Variants in NRG1 observed in about 807,000 individuals in gnomAD.
NRG1 encodes the protein neuregulin 1.
A neutral mutation model predicts 63.8 loss-of-function variants in NRG1; 18 were observed. The observed-to-expected ratio is 0.28, with a 90% CI of 0.19 to 0.42. NRG1 has a LOEUF of 0.42. Ranked by LOEUF, NRG1 falls within the 10% of genes least tolerant of loss-of-function variation. The pLI is 1.00. For missense variants in NRG1, 762 were observed against 814.7 expected, an observed-to-expected ratio of 0.94 and a Z score of 0.79; for synonymous variants, 302 against 301.3, an observed-to-expected ratio of 1.00 and a Z score of -0.02.
chr8:32,510,122 A>ATC (rs1554566690), intron 1 of NRG1, among the ~76,000 whole-genome samples: 3,670 of 116,816 alleles, frequency 0.031, 49 homozygotes, highest in Middle Eastern at 0.053. Context: ...TAATAATAAT[A>ATC]ATAATCATAA....
chr8:31,809,404 G>GTA (rs35009490), intron 1 of NRG1, among the ~76,000 whole-genome samples: 8,042 of 140,066 alleles, frequency 0.057, 295 homozygotes, highest in Admixed American at 0.11. Flanking sequence ...GTGTGTGTGT[G>GTA]TATATATATA....
chr8:31,875,517 A>C (rs1829844961), intron 1 of NRG1, among the ~76,000 whole-genome samples: 1 of 152,144 alleles, frequency 6.6e-6, no homozygotes, highest in African/African-American at 2.4e-5. Flanking sequence ...TTGAGACCTA[A>C]ACATGGCAAA....
chr8:32,198,226 G>A (rs1365045100), intron 1 of NRG1, among the ~76,000 whole-genome samples: 1 of 152,144 alleles, frequency 6.6e-6, no homozygotes, highest in Non-Finnish European at 1.5e-5. Flanking sequence ...CCCACAGACT[G>A]GAGTACAATG....
chr8:31,802,690 T>C (rs1246628038), intron 1 of NRG1, among the ~76,000 whole-genome samples: 1 of 152,168 alleles, frequency 6.6e-6, no homozygotes, highest in African/African-American at 2.4e-5. Flanking sequence ...TGCATGCTTT[T>C]GGACCCTAAG....
At chr8:31,788,284 T>A (rs1166707188) in intron 1 of NRG1, among the ~76,000 whole-genome samples, 2 of 152,192 alleles carry the variant, frequency 1.3e-5, no homozygotes. Flanking sequence ...CTCCTTTACA[T>A]ACATTCACAT....
chr8:31,864,623 G>A (rs1164557601), intron 1 of NRG1, among the ~76,000 whole-genome samples: 3 of 152,090 alleles, frequency 2.0e-5, no homozygotes, highest in Non-Finnish European at 4.4e-5. Context: ...GAAGAAAGAG[G>A]CAGTACAAAA....
intron 5 of NRG1, among the ~76,000 whole-genome samples, chr8:32,685,641 AAAT>A (rs1211620356): frequency 1.3e-5 from 2 of 152,226 alleles, no homozygotes; most frequent in African/African-American, 2.4e-5. Flanking sequence ...TTCAACTTTA[AAAT>A]AATAATAAGA....
chr8:31,712,369 A>G (rs566252259), intron 1 of NRG1, among the ~76,000 whole-genome samples: 2 of 147,798 alleles, frequency 1.4e-5, no homozygotes, highest in Admixed American at 1.4e-4. Flanking sequence ...CCCAGGTTCA[A>G]GCGATTCTCC....
intron 1 of NRG1, among the ~76,000 whole-genome samples, chr8:32,024,874 ACTGT>A (rs1332136872): frequency 3.9e-5 from 6 of 152,348 alleles, no homozygotes; most frequent in African/African-American, 1.4e-4. Context: ...CAGTTTATAT[ACTGT>A]CTTTTAACCT....
chr8:31,966,895 G>A (rs1391069414), intron 1 of NRG1, among the ~76,000 whole-genome samples: 1 of 151,912 alleles, frequency 6.6e-6, no homozygotes, highest in African/African-American at 2.4e-5. Flanking sequence ...AGTCAACTTC[G>A]GTTCTGCCCT....
intron 1 of NRG1, among the ~76,000 whole-genome samples, chr8:31,805,038 A>C (rs1822138125): frequency 6.6e-6 from 1 of 152,236 alleles, no homozygotes; most frequent in Non-Finnish European, 1.5e-5. Flanking sequence ...CTTAAATATA[A>C]AATTAACCAA....
At chr8:32,743,756 T>A (rs900841839) in intron 7 of NRG1, among the ~76,000 whole-genome samples, 8 of 149,736 alleles carry the variant, frequency 5.3e-5, no homozygotes, top group Admixed American at 6.8e-5. Context: ...ATATAACTTC[T>A]GATCCTGGAG....
At chr8:32,154,371 GCCTT>G (rs1254838281) in intron 1 of NRG1, among the ~76,000 whole-genome samples, 5 of 150,580 alleles carry the variant, frequency 3.3e-5, no homozygotes. Context: ...TCCACTTCCT[GCCTT>G]CCTTTCTCCC....
intron 1 of NRG1, among the ~76,000 whole-genome samples, chr8:31,919,442 G>C (rs1833711509): frequency 6.7e-6 from 1 of 149,872 alleles, no homozygotes; most frequent in African/African-American, 2.5e-5. Flanking sequence ...AAATCCAAAA[G>C]ACAACTACCT....
At chr8:32,265,334 A>G (rs1377756058) in intron 1 of NRG1, among the ~76,000 whole-genome samples, 1 of 151,730 alleles carries the variant, frequency 6.6e-6, no homozygotes, top group Non-Finnish European at 1.5e-5. Flanking sequence ...GACCCTATCT[A>G]AAAAAGAATT....
chr8:31,879,935 A>C (rs940998934), intron 1 of NRG1, among the ~76,000 whole-genome samples: 2 of 152,212 alleles, frequency 1.3e-5, no homozygotes, highest in Non-Finnish European at 2.9e-5. Flanking sequence ...TATATGTACC[A>C]CATGTTCTTT....
intron 1 of NRG1, among the ~76,000 whole-genome samples, chr8:32,575,510 G>A (rs1839461445): frequency 6.6e-6 from 1 of 151,920 alleles, no homozygotes; most frequent in African/African-American, 2.4e-5. Flanking sequence ...TAAAGGAAAA[G>A]TTGTATTTTA....
chr8:32,561,305 T>C (rs1037667311), intron 1 of NRG1, among the ~76,000 whole-genome samples: 3 of 152,238 alleles, frequency 2.0e-5, no homozygotes, highest in Non-Finnish European at 4.4e-5. Context: ...AGAGTACCTA[T>C]GATTCATAGG....
At chr8:32,540,810 C>T (rs1404667288) in intron 1 of NRG1, among the ~76,000 whole-genome samples, 1 of 152,134 alleles carries the variant, frequency 6.6e-6, no homozygotes, top group Admixed American at 6.5e-5. Flanking sequence ...CATCTTGCAC[C>T]TATGGGAAAG....
Sources: gnomAD v4.1 joint callset for allele counts (sites outside exome capture counted in the v4.1 genomes callset) on GRCh38, gnomAD v4.1.1 for gene constraint, MANE v1.5 for transcripts, NCBI Gene and HGNC (gene_info 2026-07-23, HGNC 2026-07-21) for gene names.